SPAG16: variants seen among roughly 807,000 people sequenced by gnomAD.
SPAG16 encodes sperm-associated antigen 16 protein.
SPAG16 carries 86 observed loss-of-function variants against 80.4 expected under a neutral mutation model. The observed-to-expected ratio is 1.07, with a 90% CI of 0.90 to 1.28. The LOEUF (loss-of-function observed/expected upper bound fraction) is 1.28, where lower values mean the gene tolerates loss of function less well. Ranked by LOEUF, SPAG16 falls within the 50% of genes most tolerant of loss-of-function variation. SPAG16 has a pLI of 0.00. For missense variants in SPAG16, 870 were observed against 765.3 expected (o/e 1.14, Z -1.61); for synonymous variants, 294 against 265.9 (o/e 1.11, Z -1.03).
At chr2:213,514,479 T>TA (rs1425828010) in intron 10 of SPAG16, among the ~76,000 whole-genome samples, 1 of 152,298 alleles carries the variant, frequency 6.6e-6, no homozygotes, top group Admixed American at 6.5e-5. Context: ...TATTTTTTTT[T>TA]ATTATACTTT....
At chr2:214,198,576 T>G (rs2057914031) in intron 15 of SPAG16, among the ~76,000 whole-genome samples, 2 of 152,154 alleles carry the variant, frequency 1.3e-5, no homozygotes, top group Non-Finnish European at 2.9e-5. Context: ...TCCACGTATC[T>G]TTTTCATATA....
rs147397317 is a variant in SPAG16, at chr2:213,817,744, C to T, written c.1071-44741C>T. Reference sequence around the variant, plus strand: ...CAGAAAACCAAATACCACATGTTCTCACTTATAAGTGGTAGCTGAACACTG... The same window carrying T: ...CAGAAAACCAAATACCACATGTTCTTACTTATAAGTGGTAGCTGAACACTG... On this transcript the variant is annotated intron_variant, in intron 10 of 15. Transcript: ENST00000331683. 3.2e-4 allele frequency among the ~76,000 whole-genome samples: 48 copies of T among 152,182 alleles called. No homozygotes were observed. The East Asian group carries it at 8.3e-3, about 26-fold the overall frequency.
chr2:213,349,975 A>G (rs951167762), intron 6 of SPAG16, among the ~76,000 whole-genome samples: 6 of 152,200 alleles, frequency 3.9e-5, no homozygotes, highest in African/African-American at 1.4e-4. Context: ...CAATAAAAAG[A>G]TTTTGAGGTC....
chr2:213,978,998 GAA>G (rs55917331), intron 12 of SPAG16, among the ~76,000 whole-genome samples: 39,256 of 151,728 alleles, frequency 0.26, 5,897 homozygotes, highest in South Asian at 0.57. Flanking sequence ...GGGAGAGAGA[GAA>G]AGAGAGGAGA....
intron 15 of SPAG16, among the ~76,000 whole-genome samples, chr2:214,245,831 A>AT (rs927150742): frequency 5.9e-5 from 9 of 152,144 alleles, no homozygotes; most frequent in Admixed American, 2.0e-4. Flanking sequence ...AAGCAGAGGA[A>AT]TTTTTTTAAA....
Position 214,038,230 on chromosome 2 carries a change from T to A in SPAG16, c.1527+24153T>A, listed in dbSNP as rs985176619. On this transcript the variant is annotated intron_variant, in intron 13 of 15. Coordinates refer to ENST00000331683, the MANE Select transcript of SPAG16 (RefSeq NM_024532.5). The stretch of plus-strand genomic sequence containing the variant: ...TACTTTTGTTCTAGCAGTCAATTTT[T>A]AATTCTTTTTACATTTTCTTATTCT... Among the ~76,000 whole-genome samples the A allele has an allele frequency of 2.0e-5, 3 of 152,302 alleles. No individual in the cohort carries two copies. The South Asian group carries it at 6.2e-4, about 32-fold the overall frequency.
intron 10 of SPAG16, among the ~76,000 whole-genome samples, chr2:213,603,770 C>T (rs934456167): frequency 3.3e-5 from 5 of 152,180 alleles, no homozygotes; most frequent in African/African-American, 4.8e-5. Flanking sequence ...TTCCTACAAG[C>T]GCTGAATCCT....
At chr2:213,540,965 G>A (rs1406510225) in intron 10 of SPAG16, among the ~76,000 whole-genome samples, 5 of 152,270 alleles carry the variant, frequency 3.3e-5, no homozygotes, top group Non-Finnish European at 5.9e-5. Flanking sequence ...GCGTGCATGT[G>A]TGTGTGCGTG....
chr2:213,865,644 T>C (rs1198285968), intron 11 of SPAG16, among the ~76,000 whole-genome samples: 1 of 149,118 alleles, frequency 6.7e-6, no homozygotes, highest in Non-Finnish European at 1.5e-5. Flanking sequence ...TTATGTATGT[T>C]ATATACCTAT....
At chr2:214,371,051 T>C (rs145639715) in intron 15 of SPAG16, among the ~76,000 whole-genome samples, 7 of 152,300 alleles carry the variant, frequency 4.6e-5, no homozygotes, top group Non-Finnish European at 8.8e-5. Context: ...ATTTTCACTT[T>C]AATGGAGGCA....
At chr2:214,057,039 A>G (rs1304450028) in intron 13 of SPAG16, among the ~76,000 whole-genome samples, 3 of 152,240 alleles carry the variant, frequency 2.0e-5, no homozygotes, top group Non-Finnish European at 4.4e-5. Flanking sequence ...TTTGCAGTTA[A>G]TTCCTCCACT....
intron 15 of SPAG16, among the ~76,000 whole-genome samples, chr2:214,212,214 G>A (rs1181999907): frequency 1.3e-5 from 2 of 151,766 alleles, no homozygotes; most frequent in Non-Finnish European, 2.9e-5. Flanking sequence ...GTTTCTGACT[G>A]TCTTGCTGTT....
At chr2:213,518,735 A>G (rs2075542824) in intron 10 of SPAG16, among the ~76,000 whole-genome samples, 1 of 152,222 alleles carries the variant, frequency 6.6e-6, no homozygotes, top group African/African-American at 2.4e-5. Flanking sequence ...GTTACTAGGT[A>G]TATACTCAAA....
chr2:214,378,232 A>G (rs1700244798), intron 15 of SPAG16, among the ~76,000 whole-genome samples: 1 of 152,210 alleles, frequency 6.6e-6, no homozygotes, highest in Non-Finnish European at 1.5e-5. Context: ...ATTTGTAGCA[A>G]TGTGTGACAG....
intron 15 of SPAG16, among the ~76,000 whole-genome samples, chr2:214,164,968 G>A (rs2056588919): frequency 6.6e-6 from 1 of 152,076 alleles, no homozygotes; most frequent in Non-Finnish European, 1.5e-5. Context: ...GCTATTAGAT[G>A]TTCTGCTGAG....
intron 10 of SPAG16, among the ~76,000 whole-genome samples, chr2:213,860,460 C>CATATATAT (rs1559529508): frequency 7.6e-6 from 1 of 131,598 alleles, no homozygotes; most frequent in Non-Finnish European, 1.6e-5. Context: ...TATATATATA[C>CATATATAT]AGATATATCT....
chr2:214,147,059 T>A (rs918695322), intron 14 of SPAG16, among the ~76,000 whole-genome samples: 1 of 152,120 alleles, frequency 6.6e-6, no homozygotes, highest in African/African-American at 2.4e-5. Flanking sequence ...TTGTCATGGC[T>A]TTTAAGTTTC....
At chr2:213,513,565 T>C (rs146778375) in intron 10 of SPAG16, among the ~76,000 whole-genome samples, 44 of 152,188 alleles carry the variant, frequency 2.9e-4, no homozygotes, top group African/African-American at 8.0e-4. Flanking sequence ...ACTGGTGTCT[T>C]CGACACATGA....
chr2:213,602,891 A>G (rs1222897256), intron 10 of SPAG16, among the ~76,000 whole-genome samples: 1 of 152,220 alleles, frequency 6.6e-6, no homozygotes, highest in African/African-American at 2.4e-5. Context: ...GGTTACAATA[A>G]TATTCTCCTG....
Sources: gnomAD v4.1 joint callset for allele counts (sites outside exome capture counted in the v4.1 genomes callset) on GRCh38, gnomAD v4.1.1 for gene constraint, MANE v1.5 for transcripts, NCBI Gene and HGNC (gene_info 2026-07-23, HGNC 2026-07-21) for gene names.